SDC2: variants seen among roughly 807,000 people sequenced by gnomAD.
SDC2 encodes syndecan 2.
A neutral mutation model predicts 22.2 loss-of-function variants in SDC2; 13 were observed. The ratio of observed to expected loss-of-function variants is 0.59; its 90% confidence interval spans 0.38 to 0.93. The LOEUF is 0.93. Among genes scored for constraint, SDC2 ranks in the 40% least tolerant of loss-of-function variants. The probability of loss-of-function intolerance (pLI) is 0.00; values close to 1 mark genes in which losing one functional copy is unlikely to be tolerated. For missense variants in SDC2, 235 were observed against 246.8 expected (o/e 0.95, Z 0.32); for synonymous variants, 94 against 92.8 (o/e 1.01, Z -0.07).
At chr8:96,507,723 G>A (rs867753065) in intron 1 of SDC2, among the ~76,000 whole-genome samples, 1 of 152,198 alleles carries the variant, frequency 6.6e-6, no homozygotes, top group African/African-American at 2.4e-5. Context: ...AAGAGAAAAC[G>A]AACATTCCTT....
rs998766405 is a variant in SDC2, at chr8:96,498,840, G to A, written c.60+4509G>A. On this transcript the variant is annotated intron_variant, in intron 1 of 4. Transcript: ENST00000302190. ...CTTGATGGGACAGAAAATTTCAAAT[G>A]AAGAGCTTTCCCTCTTTTTTTCTTC... Among the ~76,000 whole-genome samples the A allele has an allele frequency of 5.9e-5, 9 of 152,298 alleles. No individual in the cohort carries two copies. In the South Asian group the frequency reaches 1.9e-3, roughly 32 times the overall value.
intron 1 of SDC2, among the ~76,000 whole-genome samples, chr8:96,585,548 G>A (rs2651473): frequency 0.15 from 22,300 of 152,030 alleles, 2,035 homozygotes; most frequent in South Asian, 0.3. Flanking sequence ...GGGGGCGGGT[G>A]CATCCTGTTT....
chr8:96,571,132 G>C (rs553044999), intron 1 of SDC2, among the ~76,000 whole-genome samples: 1 of 152,284 alleles, frequency 6.6e-6, no homozygotes, highest in African/African-American at 2.4e-5. Context: ...GTGACTACTA[G>C]AAAATTTTAA....
At chr8:96,582,056 A>G in intron 1 of SDC2, among the ~76,000 whole-genome samples, 1 of 152,224 alleles carries the variant, frequency 6.6e-6, no homozygotes, top group Admixed American at 6.5e-5. Context: ...GCCATGGTGC[A>G]GCTCGGGGAA....
chr8:96,599,313 C>G (rs563911283), intron 2 of SDC2, among the ~76,000 whole-genome samples: 49 of 152,226 alleles, frequency 3.2e-4, no homozygotes, highest in Non-Finnish European at 5.3e-4. Flanking sequence ...CATACAGATT[C>G]ATCCCACTTC....
chr8:96,590,067 C>T (rs1032164088), intron 1 of SDC2, among the ~76,000 whole-genome samples: 3 of 152,218 alleles, frequency 2.0e-5, no homozygotes, highest in South Asian at 2.1e-4. Context: ...TGTGGCATTA[C>T]GCAGAACCCT....
chr8:96,595,095 G>A (rs2704257), intron 2 of SDC2, among the ~76,000 whole-genome samples: 1 of 152,106 alleles, frequency 6.6e-6, no homozygotes. Flanking sequence ...TAATAGTCAA[G>A]TGAGAAATTT....
intron 1 of SDC2, among the ~76,000 whole-genome samples, chr8:96,555,470 T>C (rs1196717124): frequency 2.0e-5 from 3 of 152,120 alleles, no homozygotes; most frequent in African/African-American, 4.8e-5. Flanking sequence ...TTCTCTCTCT[T>C]AGCATTTTTT....
intron 1 of SDC2, among the ~76,000 whole-genome samples, chr8:96,495,306 G>T (rs1427599925): frequency 2.6e-5 from 4 of 152,334 alleles, no homozygotes; most frequent in Non-Finnish European, 5.9e-5. Context: ...CCGCCCTGGC[G>T]GTGGGAACTT....
intron 1 of SDC2, among the ~76,000 whole-genome samples, chr8:96,544,009 A>G (rs1275984673): frequency 6.6e-6 from 1 of 152,234 alleles, no homozygotes; most frequent in African/African-American, 2.4e-5. Context: ...TAGAGCTGTC[A>G]GAATGAACTT....
intron 2 of SDC2, among the ~76,000 whole-genome samples, chr8:96,600,434 A>G (rs978624042): frequency 6.6e-6 from 1 of 152,210 alleles, no homozygotes; most frequent in East Asian, 1.9e-4. Context: ...TGAAAAGGCA[A>G]CAACAACAAA....
At chr8:96,577,369 G>A (rs138828497) in intron 1 of SDC2, among the ~76,000 whole-genome samples, 230 of 152,326 alleles carry the variant, frequency 1.5e-3, no homozygotes, top group African/African-American at 5.4e-3. Flanking sequence ...TATATGGACA[G>A]GCCTCAGGAG....
intron 1 of SDC2, among the ~76,000 whole-genome samples, chr8:96,590,443 C>T (rs1034995522): frequency 1.1e-4 from 17 of 152,168 alleles, no homozygotes; most frequent in Admixed American, 5.2e-4. Flanking sequence ...GACTACATTT[C>T]GCCAGGTGTA....
chr8:96,567,831 G>T (rs1010384752), intron 1 of SDC2, among the ~76,000 whole-genome samples: 1 of 152,146 alleles, frequency 6.6e-6, no homozygotes, highest in Non-Finnish European at 1.5e-5. Flanking sequence ...CCTCCGTTGA[G>T]CACCTCCGTT....
Position 96,508,579 on chromosome 8 carries a change from CTG to C in SDC2, c.60+14251_60+14252del, listed in dbSNP as rs879653354. Among the ~76,000 whole-genome samples the C allele has an allele frequency of 2.1e-4, 29 of 141,228 alleles. 4 individuals carry two copies. Among genetic ancestry groups the C allele is most frequent in the Admixed American group, 2.0e-3 (29 of 14,258 alleles). The allele number at this position is 141,228 out of a possible 152,430, so 92.7% of individuals were successfully genotyped here. A position where few individuals can be genotyped will look rare whatever the true frequency, so the allele number is the denominator to read the frequency against. Reference sequence around the variant, plus strand: ...GTCAAGCTTTTTCAGAAAAATAAGTCTGTGAGATATTTTTAAGGAAAGAATTT... The same window carrying C: ...GTCAAGCTTTTTCAGAAAAATAAGTCTGAGATATTTTTAAGGAAAGAATTT... On this transcript the variant is annotated intron_variant, in intron 1 of 4. Transcript: ENST00000302190.
At chr8:96,554,676 C>T (rs1203482638) in intron 1 of SDC2, among the ~76,000 whole-genome samples, 1 of 152,174 alleles carries the variant, frequency 6.6e-6, no homozygotes, top group African/African-American at 2.4e-5. Flanking sequence ...GTTGAACTGG[C>T]AGTTACGACT....
chr8:96,593,861 G>A (rs928905302), intron 2 of SDC2, among the ~76,000 whole-genome samples: 1 of 152,160 alleles, frequency 6.6e-6, no homozygotes, highest in Non-Finnish European at 1.5e-5. Context: ...GATTAAAAGG[G>A]AGTTGACACA....
At chr8:96,533,183 C>T (rs1320395378) in intron 1 of SDC2, among the ~76,000 whole-genome samples, 4 of 152,122 alleles carry the variant, frequency 2.6e-5, no homozygotes, top group African/African-American at 4.8e-5. Flanking sequence ...TGAGCAGTAG[C>T]AAGATTTACT....
chr8:96,526,447 G>A lies in SDC2; in HGVS notation c.60+32116G>A, dbSNP rs59861652. Among the ~76,000 whole-genome samples the A allele has an allele frequency of 1.2e-3, 187 of 151,502 alleles. 2 individuals are homozygous for A. The highest frequency in any genetic ancestry group is 4.5e-3 in the African/African-American group (183 of 41,078). On this transcript the variant is annotated intron_variant, in intron 1 of 4. Coordinates refer to ENST00000302190, the MANE Select transcript of SDC2 (RefSeq NM_002998.4). ...AAGTGGAGGGACCAAATATTTTATA[G>A]TTACAGAAACTTCTTCTCTCCCTCC...
Sources: gnomAD v4.1 joint callset for allele counts (sites outside exome capture counted in the v4.1 genomes callset) on GRCh38, gnomAD v4.1.1 for gene constraint, MANE v1.5 for transcripts, NCBI Gene and HGNC (gene_info 2026-07-23, HGNC 2026-07-21) for gene names.